Variants in TLK1 observed in about 807,000 individuals in gnomAD.
The protein encoded by TLK1 is serine/threonine-protein kinase tousled-like 1.
A neutral mutation model predicts 105.3 loss-of-function variants in TLK1; 24 were observed. That is an observed-to-expected ratio of 0.23 (90% CI 0.17 to 0.32). TLK1 has a LOEUF of 0.32. Among genes scored for constraint, TLK1 ranks in the 10% least tolerant of loss-of-function variants. TLK1 has a pLI of 1.00. For synonymous variants in TLK1, 321 were observed against 310.4 expected (o/e 1.03, Z -0.36); for missense variants, 558 against 910.5 (o/e 0.61, Z 4.98).
In TLK1 at chr2:171,187,345, G is replaced by A. The variant is rs1693051670; in HGVS notation, c.-6+43800C>T. On this transcript the variant is annotated intron_variant, in intron 1 of 20. Transcript: ENST00000521943. ...ACACCTGATGCTTCACTCCTTCAGG[G>A]TCCAAGGTCTTAACTGTTTGGCCTG... Among the ~76,000 whole-genome samples, 2 of 152,106 alleles carry A rather than the reference G, an allele frequency of 1.3e-5. 1 individual carries two copies. Among genetic ancestry groups the A allele is most frequent in the Admixed American group, 1.3e-4 (2 of 15,268 alleles).
chr2:171,192,361 C>G (rs1693170371), intron 1 of TLK1, among the ~76,000 whole-genome samples: 1 of 152,086 alleles, frequency 6.6e-6, no homozygotes, highest in African/African-American at 2.4e-5. Flanking sequence ...TGGCAACCCT[C>G]CAAAGGGCAT....
chr2:171,123,928 T>G (rs2105542777), intron 1 of TLK1, among the ~76,000 whole-genome samples: 1 of 152,352 alleles, frequency 6.6e-6, no homozygotes, highest in African/African-American at 2.4e-5. Flanking sequence ...CCCACAAGCA[T>G]GATTTTAATT....
At chr2:171,100,045 T>C (rs1433059536) in intron 2 of TLK1, among the ~76,000 whole-genome samples, 2 of 152,162 alleles carry the variant, frequency 1.3e-5, no homozygotes, top group African/African-American at 4.8e-5. Flanking sequence ...TATAAAGAAT[T>C]CTTATGACTC....
intron 1 of TLK1, among the ~76,000 whole-genome samples, chr2:171,172,247 G>A (rs891656852): frequency 5.3e-5 from 8 of 152,140 alleles, no homozygotes; most frequent in Admixed American, 1.3e-4. Context: ...CAGGACAGTG[G>A]TTACCCTTGA....
rs1308931586 is a variant in TLK1 at position 171,028,426 on chromosome 2, A to G, written c.1170-21T>C. 4 of 1,485,790 alleles carry G rather than the reference A, an allele frequency of 2.7e-6. No individual in the cohort carries two copies. The African/African-American group carries it at 5.5e-5, about 21-fold the overall frequency. 92.0% of individuals were successfully genotyped at this position (1,485,790 alleles called of 1,614,324 possible). On this transcript the variant is annotated intron_variant, in intron 11 of 20. Coordinates refer to ENST00000431350, the MANE Select transcript of TLK1 (RefSeq NM_012290.5). ...TCAACCTGTCAAAAATGAAATTTTA[A>G]TTCTACATATTGAGATTAATACTTA...
At chr2:171,176,764 G>C (rs1692836672) in intron 1 of TLK1, among the ~76,000 whole-genome samples, 1 of 151,860 alleles carries the variant, frequency 6.6e-6, no homozygotes, top group South Asian at 2.1e-4. Flanking sequence ...CTCTGTTCTA[G>C]ATCTTCAGCC....
intron 1 of TLK1, among the ~76,000 whole-genome samples, chr2:171,142,047 T>C (rs1167738201): frequency 6.6e-6 from 1 of 152,098 alleles, no homozygotes; most frequent in African/African-American, 2.4e-5. Flanking sequence ...CTAATGTTGC[T>C]GCACTGACCA....
intron 11 of TLK1, among the ~76,000 whole-genome samples, chr2:171,042,413 T>C (rs1180853640): frequency 6.7e-6 from 1 of 150,148 alleles, no homozygotes; most frequent in Non-Finnish European, 1.5e-5. Flanking sequence ...CTTGGCTAAT[T>C]TTTTTTTTTA....
In TLK1 at chr2:171,143,778, G is replaced by GA. The variant is rs200386704; in HGVS notation, c.139+16511dup. On this transcript the variant is annotated intron_variant, in intron 1 of 20. Transcript: ENST00000431350. Reference sequence around the variant, plus strand: ...ATGCAAAAGACAGCAGTAGAGGAGGGAAAGAGGACAAAAGAGAAATGAGAC... The same window carrying GA: ...ATGCAAAAGACAGCAGTAGAGGAGGGAAAAGAGGACAAAAGAGAAATGAGAC... Among the ~76,000 whole-genome samples, 176 of 152,146 alleles carry GA rather than the reference G, an allele frequency of 1.2e-3. 2 individuals are homozygous for GA. In the East Asian group the frequency reaches 0.028, roughly 25 times the overall value.
chr2:171,217,778 T>C (rs146114060), intron 1 of TLK1, among the ~76,000 whole-genome samples: 175 of 152,338 alleles, frequency 1.1e-3, no homozygotes, highest in Admixed American at 1.9e-3. Flanking sequence ...AGAGTACGTG[T>C]AATATGGTCT....
chr2:171,028,702 T>C (rs1685894714), intron 11 of TLK1, among the ~76,000 whole-genome samples: 1 of 152,258 alleles, frequency 6.6e-6, no homozygotes, highest in African/African-American at 2.4e-5. Context: ...TACAATGTTT[T>C]AATGAGTACC....
chr2:171,159,540 T>G (rs187830440), intron 1 of TLK1: 1 of 152,322 alleles, frequency 6.6e-6, no homozygotes, highest in East Asian at 1.9e-4. Context: ...TTTACGCAGA[T>G]ATTTCCCACA....
At chr2:171,123,360 C>T (rs1207379249) in intron 1 of TLK1, among the ~76,000 whole-genome samples, 1 of 131,874 alleles carries the variant, frequency 7.6e-6, no homozygotes, top group East Asian at 1.9e-4. Flanking sequence ...CCATGCCTGG[C>T]TAATTTTTGT....
chr2:171,103,169 T>A (rs1453653798), intron 2 of TLK1, among the ~76,000 whole-genome samples: 3 of 151,906 alleles, frequency 2.0e-5, no homozygotes, highest in South Asian at 2.1e-4. Context: ...GGCCTTCTGA[T>A]CTGTGTGGGG....
chr2:171,016,294 A>C lies in TLK1; in HGVS notation c.1237-1346T>G, dbSNP rs115004425. On this transcript the variant is annotated intron_variant, in intron 12 of 20. Transcript: ENST00000431350. ...GTAACTAGGACTACAGGCATGCGCC[A>C]CCACACCTGGCTATTTTTTTGTAGA... 3.4e-3 allele frequency among the ~76,000 whole-genome samples: 524 copies of C among 152,090 alleles called. 6 individuals are homozygous for C. The highest frequency in any genetic ancestry group is 0.012 in the African/African-American group (489 of 41,500).
chr2:171,053,994 G>A (rs1405104936), intron 7 of TLK1, 141 bp from the exon 8 acceptor site: 5 of 598,574 alleles, frequency 8.4e-6, no homozygotes, highest in African/African-American at 1.9e-5. Context: ...AAAAGTTTTA[G>A]TGCAGTTTTA....
At chr2:171,195,223 G>A (rs1693244318) in intron 1 of TLK1, among the ~76,000 whole-genome samples, 1 of 152,080 alleles carries the variant, frequency 6.6e-6, no homozygotes, top group African/African-American at 2.4e-5. Context: ...ACATAATCCG[G>A]CCGGGCGCGG....
chr2:171,204,796 T>C (rs1163033722), intron 1 of TLK1, among the ~76,000 whole-genome samples: 1 of 151,708 alleles, frequency 6.6e-6, no homozygotes, highest in Non-Finnish European at 1.5e-5. Context: ...CCATTTCTAC[T>C]AAAATACAAA....
chr2:171,183,687 C>T (rs1413793810), intron 1 of TLK1, among the ~76,000 whole-genome samples: 1 of 152,140 alleles, frequency 6.6e-6, no homozygotes, highest in East Asian at 1.9e-4. Flanking sequence ...TGGGCCAAGT[C>T]TGTCAATAGT....
Sources: allele counts gnomAD v4.1 joint callset (sites outside exome capture counted in the v4.1 genomes callset), GRCh38; gene constraint gnomAD v4.1.1; transcripts MANE v1.5; gene names NCBI Gene and HGNC (gene_info 2026-07-23, HGNC 2026-07-21).